Variants in DOCK7 observed in about 807,000 individuals in gnomAD.
DOCK7 encodes the protein dedicator of cytokinesis protein 7.
Under a neutral mutation model 271.0 loss-of-function variants are expected in DOCK7, and 138 were observed. The observed-to-expected ratio is 0.51, with a 90% CI of 0.44 to 0.59. The LOEUF is 0.59. DOCK7 is among the 20% of genes least tolerant of loss of function. DOCK7 has a pLI of 0.00. For missense variants in DOCK7, 2,066 were observed against 2,592.4 expected (o/e 0.80, Z 4.41); for synonymous variants, 823 against 876.1 (o/e 0.94, Z 1.07).
chr1:62,624,741 C>T (rs1037328424), intron 12 of DOCK7, among the ~76,000 whole-genome samples: 5 of 151,974 alleles, frequency 3.3e-5, no homozygotes, highest in Admixed American at 6.6e-5. Flanking sequence ...GCTGGGAAGC[C>T]GAGGAGGGTG....
At chr1:62,687,456 G>T (rs1279271498) in intron 1 of DOCK7, 2 of 152,212 alleles carry the variant, frequency 1.3e-5, no homozygotes, top group African/African-American at 4.8e-5. Context: ...AGTGTATAAA[G>T]AACACTGCCT....
intron 29 of DOCK7, among the ~76,000 whole-genome samples, chr1:62,534,052 G>A (rs932012497): frequency 4.0e-5 from 6 of 151,824 alleles, no homozygotes; most frequent in African/African-American, 1.2e-4. Flanking sequence ...AGGATGGAGT[G>A]CAGTGGTGTG....
intron 23 of DOCK7, among the ~76,000 whole-genome samples, chr1:62,543,969 G>A (rs1645619137): frequency 6.6e-6 from 1 of 152,050 alleles, no homozygotes; most frequent in South Asian, 2.1e-4. Context: ...AAAAAATGAT[G>A]AGTATTTCAG....
At chr1:62,668,748 G>T (rs918395219) in intron 1 of DOCK7, among the ~76,000 whole-genome samples, 1 of 151,638 alleles carries the variant, frequency 6.6e-6, no homozygotes, top group Non-Finnish European at 1.5e-5. Context: ...CAAAAAATTA[G>T]CCAGGAGTCA....
intron 1 of DOCK7, among the ~76,000 whole-genome samples, chr1:62,670,707 C>A (rs1659884159): frequency 2.0e-5 from 3 of 152,102 alleles, no homozygotes; most frequent in Admixed American, 2.0e-4. Context: ...CGTGGAGAAC[C>A]TTTGTATCTA....
chr1:62,633,666 T>TA, intron 9 of DOCK7, 88 bp from the exon 10 acceptor site: 2 of 860,742 alleles, frequency 2.3e-6, no homozygotes, highest in Non-Finnish European at 3.8e-6. Flanking sequence ...TATAACACAT[T>TA]AACAGAATGA....
intron 1 of DOCK7, among the ~76,000 whole-genome samples, chr1:62,668,830 CAGG>C (rs1659605721): frequency 6.6e-6 from 1 of 150,820 alleles, no homozygotes; most frequent in Non-Finnish European, 1.5e-5. Flanking sequence ...GAGGCTGAAG[CAGG>C]AGGACAGCTT....
chr1:62,561,718 A>G lies in DOCK7; in HGVS notation c.2113-15T>C. ...GGTAGAGGAACCTGTAAGATATTAA[A>G]TATAATGATCACAGATGCTTAAGTA... On this transcript the variant is annotated splice_polypyrimidine_tract_variant and intron_variant, in intron 18 of 49. Transcript: ENST00000635253. The G allele has an allele frequency of 2.0e-6, 3 of 1,474,322 alleles. No homozygotes were observed. Among genetic ancestry groups the G allele is most frequent in the South Asian group, 1.4e-5 (1 of 73,100 alleles). The allele number at this position is 1,474,322 out of a possible 1,614,324, so 91.3% of individuals were successfully genotyped here.
At chr1:62,686,164 T>A (rs1199165688) in intron 1 of DOCK7, among the ~76,000 whole-genome samples, 223 of 1,826 alleles carry the variant, frequency 0.12, 100 homozygotes, top group Non-Finnish European at 0.17. Flanking sequence ...TAACTTTTTT[T>A]TTTTTTTTTT....
chr1:62,655,108 T>C (rs1165561983), intron 2 of DOCK7, among the ~76,000 whole-genome samples: 1 of 152,218 alleles, frequency 6.6e-6, no homozygotes, highest in African/African-American at 2.4e-5. Flanking sequence ...ACGAAAGGAA[T>C]ACACAGGCCC....
Position 62,601,727 on chromosome 1 carries a change from CCTATTA to C in DOCK7, c.1683-15109_1683-15104del. 3 of 1,303,908 alleles carry C rather than the reference CCTATTA, an allele frequency of 2.3e-6. No individual in the cohort carries two copies. The South Asian group carries it at 3.6e-5, about 15-fold the overall frequency. 80.8% of individuals were successfully genotyped at this position (1,303,908 alleles called of 1,614,324 possible). On this transcript the variant is annotated intron_variant, in intron 14 of 49. Transcript: ENST00000635253. ...AATCTCAAGCTCCAAAGATATTATT[CCTATTA>C]CTAAATCTGATGTAATAACATTTTA...
chr1:62,575,890 C>A (rs1244416103), intron 18 of DOCK7, among the ~76,000 whole-genome samples: 4 of 152,130 alleles, frequency 2.6e-5, no homozygotes, highest in African/African-American at 9.7e-5. Context: ...TTAACTTCAA[C>A]AAAAATATAT....
intron 14 of DOCK7, among the ~76,000 whole-genome samples, chr1:62,607,143 T>C (rs185116577): frequency 2.5e-4 from 38 of 152,036 alleles, no homozygotes; most frequent in African/African-American, 9.2e-4. Context: ...GAGGCGGAGG[T>C]TGCAGTGAGC....
intron 18 of DOCK7, among the ~76,000 whole-genome samples, chr1:62,565,398 G>T (rs558579592): frequency 6.6e-6 from 1 of 152,250 alleles, no homozygotes; most frequent in African/African-American, 2.4e-5. Context: ...ATGCAAGGTT[G>T]GTTCAACATA....
intron 48 of DOCK7, among the ~76,000 whole-genome samples, chr1:62,461,270 A>G (rs749873294): frequency 1.3e-5 from 2 of 152,172 alleles, no homozygotes; most frequent in Non-Finnish European, 2.9e-5. Flanking sequence ...GACAAGAAAA[A>G]GATTCTACAG....
At chr1:62,670,677 T>C (rs980857114) in intron 1 of DOCK7, among the ~76,000 whole-genome samples, 2 of 151,988 alleles carry the variant, frequency 1.3e-5, no homozygotes, top group African/African-American at 4.8e-5. Context: ...AAACTCTGTA[T>C]CTAACTAATC....
At chr1:62,632,729 C>A in intron 10 of DOCK7, among the ~76,000 whole-genome samples, 1 of 152,160 alleles carries the variant, frequency 6.6e-6, no homozygotes, top group Non-Finnish European at 1.5e-5. Flanking sequence ...GTAATCCCAG[C>A]ACTTTGGGAG....
intron 17 of DOCK7, 66 bp downstream of exon 17, chr1:62,578,761 CA>C: frequency 1.3e-6 from 1 of 754,362 alleles, no homozygotes; most frequent in Non-Finnish European, 1.9e-6. Flanking sequence ...CCAGAAATAT[CA>C]ATTATATCTT....
intron 13 of DOCK7, among the ~76,000 whole-genome samples, chr1:62,619,346 C>T (rs1206093956): frequency 6.6e-6 from 1 of 152,172 alleles, no homozygotes; most frequent in African/African-American, 2.4e-5. Flanking sequence ...ATCACACTCA[C>T]TTTAGTATAG....
Sources: allele counts gnomAD v4.1 joint callset (sites outside exome capture counted in the v4.1 genomes callset), GRCh38; gene constraint gnomAD v4.1.1; transcripts MANE v1.5; gene names NCBI Gene and HGNC (gene_info 2026-07-23, HGNC 2026-07-21).